The following RBFOX1 variants were observed in gnomAD, a reference collection of about 807,000 sequenced individuals.
The protein encoded by RBFOX1 is RNA binding protein fox-1 homolog 1.
Under a neutral mutation model 57.7 loss-of-function variants are expected in RBFOX1, and 8 were observed. That is an observed-to-expected ratio of 0.14 (90% CI 0.08 to 0.25). The LOEUF is 0.25. Ranked by LOEUF, RBFOX1 falls within the 10% of genes least tolerant of loss-of-function variation. The pLI is 1.00. For missense variants in RBFOX1, 611 were observed against 548.5 expected, an observed-to-expected ratio of 1.11 and a Z score of -1.14; for synonymous variants, 326 against 222.4, an observed-to-expected ratio of 1.47 and a Z score of -4.15.
At chr16:6,114,943 C>T (rs952549261) in intron 1 of RBFOX1, among the ~76,000 whole-genome samples, 73 of 152,192 alleles carry the variant, frequency 4.8e-4, no homozygotes, top group African/African-American at 1.7e-3. Context: ...TGACTTAGAC[C>T]ATTTTCAGTT....
chr16:6,931,277 C>G (rs890943288), intron 3 of RBFOX1, among the ~76,000 whole-genome samples: 14 of 121,938 alleles, frequency 1.1e-4, no homozygotes, highest in Admixed American at 4.2e-4. Context: ...AAAAATCTAT[C>G]TATCTGTCTG....
At chr16:6,162,062 T>C (rs2096883410) in intron 1 of RBFOX1, among the ~76,000 whole-genome samples, 1 of 152,200 alleles carries the variant, frequency 6.6e-6, no homozygotes, top group Admixed American at 6.5e-5. Flanking sequence ...AAACGCCTTT[T>C]CTATGAAGGT....
At chr16:6,027,110 C>G (rs1341755248) in intron 1 of RBFOX1, among the ~76,000 whole-genome samples, 2 of 152,168 alleles carry the variant, frequency 1.3e-5, no homozygotes, top group African/African-American at 4.8e-5. Context: ...TATAGAGTGT[C>G]AGAGATGAGG....
intron 2 of RBFOX1, among the ~76,000 whole-genome samples, chr16:6,377,193 A>G (rs2091286004): frequency 6.6e-6 from 1 of 151,454 alleles, no homozygotes; most frequent in Non-Finnish European, 1.5e-5. Context: ...AGGATCACTT[A>G]AGCCCAGGAA....
intron 4 of RBFOX1, among the ~76,000 whole-genome samples, chr16:5,903,568 G>A (rs750454499): frequency 6.6e-6 from 1 of 152,140 alleles, no homozygotes; most frequent in Non-Finnish European, 1.5e-5. Context: ...GGGCCAGCCA[G>A]ACAAAAACAC....
chr16:7,194,783 C>T (rs1295428323), intron 4 of RBFOX1, among the ~76,000 whole-genome samples: 1 of 151,838 alleles, frequency 6.6e-6, no homozygotes, highest in East Asian at 1.9e-4. Context: ...CAAAAATTAG[C>T]TGGACGTGGT....
At chr16:5,978,005 G>C (rs1038129773) in intron 4 of RBFOX1, among the ~76,000 whole-genome samples, 8 of 151,580 alleles carry the variant, frequency 5.3e-5, no homozygotes, top group African/African-American at 1.9e-4. Context: ...TCTCATATGT[G>C]AGCAGCTGTG....
intron 3 of RBFOX1, among the ~76,000 whole-genome samples, chr16:6,859,414 T>G (rs143797359): frequency 6.6e-6 from 1 of 151,848 alleles, no homozygotes; most frequent in African/African-American, 2.4e-5. Context: ...AATATCATAA[T>G]TGATTTTACT....
intron 2 of RBFOX1, among the ~76,000 whole-genome samples, chr16:6,372,759 G>A (rs902897223): frequency 6.6e-6 from 1 of 150,710 alleles, no homozygotes; most frequent in African/African-American, 2.5e-5. Flanking sequence ...AGGACAGTTG[G>A]TTAGGATTGT....
chr16:6,503,932 C>A (rs746269414), intron 2 of RBFOX1, among the ~76,000 whole-genome samples: 12 of 152,202 alleles, frequency 7.9e-5, no homozygotes, highest in African/African-American at 4.8e-5. Context: ...TTAAGCCGGA[C>A]CTTCATCCCT....
intron 3 of RBFOX1, among the ~76,000 whole-genome samples, chr16:6,852,514 T>G (rs1567560391): frequency 6.6e-6 from 1 of 152,212 alleles, no homozygotes; most frequent in Non-Finnish European, 1.5e-5. Flanking sequence ...TAGGGAACAA[T>G]TCCTTGTGTC....
chr16:6,200,408 GA>G (rs1166673943), intron 1 of RBFOX1, among the ~76,000 whole-genome samples: 6 of 152,146 alleles, frequency 3.9e-5, no homozygotes, highest in African/African-American at 1.4e-4. Context: ...GAGAAAGAGA[GA>G]AATGAAATCA....
intron 4 of RBFOX1, among the ~76,000 whole-genome samples, chr16:7,140,014 G>A (rs2073235406): frequency 6.6e-6 from 1 of 152,062 alleles, no homozygotes; most frequent in East Asian, 1.9e-4. Context: ...AGGACACCTG[G>A]AAAAAGATAG....
At chr16:7,309,458 G>GC (rs1315240130) in intron 4 of RBFOX1, among the ~76,000 whole-genome samples, 1 of 152,196 alleles carries the variant, frequency 6.6e-6, no homozygotes, top group Non-Finnish European at 1.5e-5. Flanking sequence ...CGCCTGCTCT[G>GC]CCTGCCATTT....
chr16:6,320,441 A>G (rs1366037596), intron 2 of RBFOX1, among the ~76,000 whole-genome samples: 2 of 152,142 alleles, frequency 1.3e-5, no homozygotes, highest in Non-Finnish European at 2.9e-5. Context: ...TCGCCACTAA[A>G]GAACTCATCC....
At chr16:5,623,831 T>G (rs1596490950) in intron 3 of RBFOX1, among the ~76,000 whole-genome samples, 1 of 152,304 alleles carries the variant, frequency 6.6e-6, no homozygotes. Flanking sequence ...TATAAAGGCT[T>G]TTGGAAAAAC....
chr16:6,752,563 A>G (rs1252182610), intron 3 of RBFOX1, among the ~76,000 whole-genome samples: 1 of 152,194 alleles, frequency 6.6e-6, no homozygotes, highest in Non-Finnish European at 1.5e-5. Flanking sequence ...TAAAGAATAG[A>G]GTGATACTCT....
chr16:6,833,256 C>T (rs1256470801), intron 3 of RBFOX1, among the ~76,000 whole-genome samples: 1 of 151,964 alleles, frequency 6.6e-6, no homozygotes, highest in Non-Finnish European at 1.5e-5. Flanking sequence ...ACCTCCGCCT[C>T]CCAGATTGAA....
intron 3 of RBFOX1, among the ~76,000 whole-genome samples, chr16:5,788,303 G>T (rs1177297472): frequency 6.6e-6 from 1 of 152,144 alleles, no homozygotes; most frequent in Admixed American, 6.5e-5. Context: ...GTCCTTATTG[G>T]AGACATTTAG....
Sources: allele counts gnomAD v4.1 joint callset (sites outside exome capture counted in the v4.1 genomes callset), GRCh38; gene constraint gnomAD v4.1.1; transcripts MANE v1.5; gene names NCBI Gene and HGNC (gene_info 2026-07-23, HGNC 2026-07-21).